The following PTPRB variants were observed in gnomAD, a reference collection of about 807,000 sequenced individuals.
PTPRB encodes protein tyrosine phosphatase receptor type B, also known as receptor-type tyrosine-protein phosphatase beta.
Under a neutral mutation model 238.1 loss-of-function variants are expected in PTPRB, and 97 were observed. The observed-to-expected ratio is 0.41, with a 90% CI of 0.35 to 0.48. The LOEUF (loss-of-function observed/expected upper bound fraction) is 0.48, where lower values mean the gene tolerates loss of function less well. PTPRB is among the 20% of genes least tolerant of loss of function. The pLI is 0.30. For missense variants in PTPRB, 2,292 were observed against 2,681.9 expected (o/e 0.85, Z 3.21); for synonymous variants, 970 against 995.4 (o/e 0.97, Z 0.48).
chr12:70,559,484 T>C lies in PTPRB; in HGVS notation c.4573A>G (p.Asn1525Asp). 1 of 1,614,022 alleles carries C rather than the reference T, an allele frequency of 6.2e-7. No individual in the cohort carries two copies. Among genetic ancestry groups the C allele is most frequent in the East Asian group, 2.2e-5 (1 of 44,876 alleles). Residue 1525 changes from asparagine (N) to aspartate (D), a missense_variant, in exon 18 of 34, where the codon AAC becomes GAC. Asn to Asp is a conservative substitution (Grantham distance 23, BLOSUM62 1). Coordinates refer to ENST00000334414, the MANE Select transcript of PTPRB (RefSeq NM_001109754.4). ...WLPRDALTVF[N>D]PYNNRKSEGR... ...TCTGATTTTCTGTTGTTGTAGGGGT[T>C]GAAGACAGTAAGTGCATCTCTGGGC...
At position 70,609,637 on chromosome 12, in the gene PTPRB, A is replaced by C. The variant is rs954937364; in HGVS notation, c.709-298T>G. The C allele has an allele frequency of 4.8e-6, 5 of 1,045,000 alleles. No homozygotes were observed. In the African/African-American group the frequency reaches 6.4e-5, roughly 13 times the overall value. The allele number at this position is 1,045,000 out of a possible 1,614,324, so 64.7% of individuals were successfully genotyped here. Reference sequence around the variant, plus strand: ...ACCAGAGGATCATTCTTCCCAAGGCAGAAGAAGAAATTTTGCCACCTCCCT... The same window carrying C: ...ACCAGAGGATCATTCTTCCCAAGGCCGAAGAAGAAATTTTGCCACCTCCCT... On this transcript the variant is annotated intron_variant, in intron 3 of 33. Transcript: ENST00000334414.
At chr12:70,609,879 G>C in intron 3 of PTPRB, 3 of 1,485,620 alleles carry the variant, frequency 2.0e-6, no homozygotes, top group Non-Finnish European at 2.7e-6. Context: ...CCGAGGGCCG[G>C]GGCAGGGGGT....
At chr12:70,554,653 C>T (rs1460903468) in intron 20 of PTPRB, among the ~76,000 whole-genome samples, 1 of 151,992 alleles carries the variant, frequency 6.6e-6, no homozygotes, top group Non-Finnish European at 1.5e-5. Flanking sequence ...TTTTCATGAA[C>T]ATCTTTTCCT....
At chr12:70,549,449 A>T (rs1452221388) in intron 21 of PTPRB, among the ~76,000 whole-genome samples, 1 of 152,216 alleles carries the variant, frequency 6.6e-6, no homozygotes, top group African/African-American at 2.4e-5. Flanking sequence ...TTCCATATGG[A>T]ACAATGGAAT....
intron 21 of PTPRB, among the ~76,000 whole-genome samples, chr12:70,550,617 G>A (rs2136292002): frequency 6.6e-6 from 1 of 152,320 alleles, no homozygotes; most frequent in Middle Eastern, 3.4e-3. Flanking sequence ...AAGTGGCAGA[G>A]CTGGAACTCA....
chr12:70,629,486 GA>G (rs1293977591), intron 2 of PTPRB, among the ~76,000 whole-genome samples: 1 of 152,116 alleles, frequency 6.6e-6, no homozygotes, highest in African/African-American at 2.4e-5. Flanking sequence ...GCCCACAAGA[GA>G]AAGCATGAAA....
In PTPRB at chr12:70,520,601, A is replaced by C. The variant is rs1871554582; in HGVS notation, c.*888T>G. 5.1e-6 allele frequency: 1 copy of C among 197,730 alleles called. No homozygotes were observed. The highest frequency in any genetic ancestry group is 5.8e-5 in the Admixed American group (1 of 17,352). The allele number at this position is 197,730 out of a possible 1,614,324, so 12.2% of individuals were successfully genotyped here. ...TGGAGACCACTGAAAATGAGACAGAAACTAGTGTGTATAAATACATTACAG... is the reference window on the plus strand; with the variant it reads ...TGGAGACCACTGAAAATGAGACAGACACTAGTGTGTATAAATACATTACAG... On this transcript the variant is annotated 3_prime_UTR_variant, in exon 34 of 34. Transcript: ENST00000334414.
intron 2 of PTPRB, among the ~76,000 whole-genome samples, chr12:70,630,610 G>A (rs1885407873): frequency 6.6e-6 from 1 of 152,186 alleles, no homozygotes; most frequent in Admixed American, 6.5e-5. Flanking sequence ...ATTCGATTAG[G>A]AAAAGAGGAA....
chr12:70,625,328 GC>G (rs1327275949), intron 2 of PTPRB, among the ~76,000 whole-genome samples: 1 of 152,178 alleles, frequency 6.6e-6, no homozygotes, highest in Non-Finnish European at 1.5e-5. Flanking sequence ...CCTTGGTCCT[GC>G]TCCTGGAAAC....
At chr12:70,540,738 G>A in intron 23 of PTPRB, 120 bp downstream of exon 23, 1 of 741,050 alleles carries the variant, frequency 1.3e-6, no homozygotes, top group East Asian at 2.7e-5. Flanking sequence ...TGAGAAAACA[G>A]TGACAATTTA....
chr12:70,606,445 A>G (rs1883949995), intron 4 of PTPRB, among the ~76,000 whole-genome samples: 1 of 152,222 alleles, frequency 6.6e-6, no homozygotes, highest in Non-Finnish European at 1.5e-5. Flanking sequence ...TTATCAGGAA[A>G]AATAATCAGG....
intron 4 of PTPRB, among the ~76,000 whole-genome samples, chr12:70,608,150 C>T (rs1884120060): frequency 6.6e-6 from 1 of 152,168 alleles, no homozygotes. Flanking sequence ...AAGGGCAACA[C>T]ATTTCTAAAT....
chr12:70,575,153 G>A (rs1213234198), intron 11 of PTPRB, among the ~76,000 whole-genome samples: 4 of 152,018 alleles, frequency 2.6e-5, no homozygotes, highest in Non-Finnish European at 4.4e-5. Flanking sequence ...TAGTGCTCTC[G>A]GATACAGCAT....
In PTPRB at chr12:70,626,303, CTATCT is replaced by C. The variant is rs1566023180; in HGVS notation, c.452-3662_452-3658del. 3.6e-3 allele frequency among the ~76,000 whole-genome samples: 258 copies of C among 71,068 alleles called. 10 individuals carry two copies. Among genetic ancestry groups the C allele is most frequent in the African/African-American group, 0.012 (206 of 17,778 alleles). 46.6% of individuals were successfully genotyped at this position (71,068 alleles called of 152,430 possible). On this transcript the variant is annotated intron_variant, in intron 2 of 33. Transcript: ENST00000334414. Reference sequence around the variant, plus strand: ...GGATGATGTCTATCCATCCATCTATCTATCTATCTATCTATCTATCTATCTATCTA... The same window carrying C: ...GGATGATGTCTATCCATCCATCTATCATCTATCTATCTATCTATCTATCTA...
Position 70,524,505 on chromosome 12 carries a change from T to G in PTPRB, c.6591A>C (p.Pro2197=), listed in dbSNP as rs764169246. Residue 2197 remains proline, a synonymous_variant, in exon 33 of 34, where the codon CCA becomes CCC. Coordinates refer to ENST00000334414, the MANE Select transcript of PTPRB (RefSeq NM_001109754.4). ...LRSEQENPLF[P]IYENVNPEYH... is the part of the protein sequence containing the mutation. Reference sequence around the variant, plus strand: ...ACTCTGGATTCACATTTTCATAGATTGGAAACAAGGGGTTTTCTTGTTCAC... The same window carrying G: ...ACTCTGGATTCACATTTTCATAGATGGGAAACAAGGGGTTTTCTTGTTCAC... 1.9e-6 allele frequency: 3 copies of G among 1,613,426 alleles called. No individual in the cohort carries two copies. Among genetic ancestry groups the G allele is most frequent in the East Asian group, 4.5e-5 (2 of 44,842 alleles).
intron 8 of PTPRB, 123 bp from the exon 9 acceptor site, chr12:70,587,390 TCTC>T: frequency 2.5e-6 from 3 of 1,177,914 alleles, no homozygotes; most frequent in Non-Finnish European, 3.5e-6. Context: ...TTTATGAATG[TCTC>T]TGAGCATTAA....
At position 70,584,809 on chromosome 12, in the gene PTPRB, CA is replaced by C. The variant is rs1220835514; in HGVS notation, c.2311+2197del. 2.6e-5 allele frequency among the ~76,000 whole-genome samples: 4 copies of C among 151,422 alleles called. No homozygotes were observed. In the East Asian group the frequency reaches 5.8e-4, roughly 22 times the overall value. ...AATCCCAGATAAAACATCTCAGATG[CA>C]GGGGGAAAAAATGAGAAAAAAGGTA... On this transcript the variant is annotated intron_variant, in intron 9 of 33. Coordinates refer to ENST00000334414, the MANE Select transcript of PTPRB (RefSeq NM_001109754.4).
intron 29 of PTPRB, among the ~76,000 whole-genome samples, 182 bp from the exon 30 acceptor site, chr12:70,535,137 A>G (rs1273721620): frequency 2.6e-5 from 4 of 151,818 alleles, no homozygotes; most frequent in Non-Finnish European, 5.9e-5. Flanking sequence ...TGCTGCTCCA[A>G]GTGAAGGGGA....
chr12:70,568,187 C>T (rs1879553174), intron 14 of PTPRB, among the ~76,000 whole-genome samples: 4 of 152,172 alleles, frequency 2.6e-5, no homozygotes, highest in Non-Finnish European at 4.4e-5. Context: ...ATCTCATAAC[C>T]ACTTTTTTCT....
Sources: gnomAD v4.1 joint callset for allele counts (sites outside exome capture counted in the v4.1 genomes callset) on GRCh38, gnomAD v4.1.1 for gene constraint, MANE v1.5 for transcripts, NCBI Gene and HGNC (gene_info 2026-07-23, HGNC 2026-07-21) for gene names.